CDYL: variants seen among roughly 807,000 people sequenced by gnomAD.
CDYL encodes the protein chromodomain Y-like protein.
CDYL carries 8 observed loss-of-function variants against 47.3 expected under a neutral mutation model. That is an observed-to-expected ratio of 0.17 (90% CI 0.10 to 0.31). CDYL has a LOEUF of 0.31. CDYL is among the 10% of genes least tolerant of loss of function. The pLI is 1.00. For missense variants in CDYL, 471 were observed against 701.4 expected, an observed-to-expected ratio of 0.67 and a Z score of 3.71; for synonymous variants, 266 against 265.0, an observed-to-expected ratio of 1.00 and a Z score of -0.04.
At chr6:4,799,462 A>G (rs1314139415) in intron 1 of CDYL, among the ~76,000 whole-genome samples, 1 of 150,108 alleles carries the variant, frequency 6.7e-6, no homozygotes, top group Admixed American at 6.6e-5. Context: ...TTATTTTTTT[A>G]TTTTTTAGGC....
At chr6:4,836,889 T>C (rs1220170153) in intron 1 of CDYL, among the ~76,000 whole-genome samples, 1 of 152,158 alleles carries the variant, frequency 6.6e-6, no homozygotes, top group African/African-American at 2.4e-5. Context: ...TACAGAAGTT[T>C]GATGGAACAA....
intron 2 of CDYL, among the ~76,000 whole-genome samples, chr6:4,722,546 A>G (rs1450260741): frequency 6.6e-6 from 1 of 152,176 alleles, no homozygotes; most frequent in Non-Finnish European, 1.5e-5. Flanking sequence ...TGGTTAATCT[A>G]GAACTGCTAC....
upstream of CDYL, chr6:4,774,443 A>G (rs1758385968): frequency 6.6e-6 from 1 of 152,274 alleles, no homozygotes; most frequent in Non-Finnish European, 1.5e-5. Context: ...TGGAAATGCT[A>G]AGTGAGAGGA....
chr6:4,905,203 T>A (rs1757193594), intron 2 of CDYL, among the ~76,000 whole-genome samples: 1 of 152,154 alleles, frequency 6.6e-6, no homozygotes, highest in African/African-American at 2.4e-5. Flanking sequence ...CAAGTGAGTT[T>A]GCGCATGGCT....
intron 4 of CDYL, among the ~76,000 whole-genome samples, chr6:4,939,537 A>G (rs1476577932): frequency 2.0e-5 from 3 of 152,198 alleles, no homozygotes; most frequent in African/African-American, 7.2e-5. Context: ...TACCTTTTAC[A>G]GGCTATCACA....
chr6:4,754,179 T>C (rs1758039740), intron 3 of CDYL, among the ~76,000 whole-genome samples: 1 of 152,186 alleles, frequency 6.6e-6, no homozygotes, highest in South Asian at 2.1e-4. Flanking sequence ...TAAATTTCAG[T>C]TGAATTGAGT....
chr6:4,793,855 G>A (rs1758997340), intron 1 of CDYL, among the ~76,000 whole-genome samples: 1 of 152,178 alleles, frequency 6.6e-6, no homozygotes, highest in Non-Finnish European at 1.5e-5. Flanking sequence ...TTGGGGTTGA[G>A]TAACTAGAGT....
intron 1 of CDYL, among the ~76,000 whole-genome samples, chr6:4,855,322 G>A (rs1173961620): frequency 6.6e-6 from 1 of 151,980 alleles, no homozygotes; most frequent in Non-Finnish European, 1.5e-5. Flanking sequence ...TGTCACCCAG[G>A]CTAGAGTGCA....
upstream of CDYL, chr6:4,773,039 T>C: frequency 2.3e-6 from 1 of 431,788 alleles, no homozygotes; most frequent in South Asian, 1.7e-5. The surrounding 1 kb of genome is among the most constrained non-coding windows in gnomAD (Gnocchi z 4.6). Context: ...TAGTTATCAT[T>C]CTCCCGAGAT....
chr6:4,774,499 A>C (rs1370575759), upstream of CDYL: 1 of 152,252 alleles, frequency 6.6e-6, no homozygotes, highest in Non-Finnish European at 1.5e-5. Flanking sequence ...CTGGGCCATC[A>C]GGGAAAGAGG....
At chr6:4,790,013 T>A (rs1758875582) in intron 1 of CDYL, among the ~76,000 whole-genome samples, 1 of 152,232 alleles carries the variant, frequency 6.6e-6, no homozygotes, top group Non-Finnish European at 1.5e-5. Flanking sequence ...TCTCCTGCTG[T>A]ACATCATTGA....
intron 2 of CDYL, among the ~76,000 whole-genome samples, chr6:4,901,590 C>G (rs1372787345): frequency 6.6e-6 from 1 of 152,182 alleles, no homozygotes; most frequent in Non-Finnish European, 1.5e-5. Flanking sequence ...GATCAAATCA[C>G]TAGCAGAATT....
In CDYL at chr6:4,891,802, T is replaced by G; in HGVS notation, c.114T>G (p.Thr38=). 1 of 1,614,130 alleles carries G rather than the reference T, an allele frequency of 6.2e-7. No homozygotes were observed. Among genetic ancestry groups the G allele is most frequent in the Non-Finnish European group, 8.5e-7 (1 of 1,180,030 alleles). Residue 38 remains threonine (T), a synonymous_variant, in exon 2 of 7, where the codon ACT becomes ACG. Transcript: ENST00000397588. ...RWKGYDSEDD[T]WEPEQHLVNC... Reference sequence around the variant, plus strand: ...AAGGCTATGACAGCGAGGACGACACTTGGGAGCCGGAACAGCACCTCGTGA... The same window carrying G: ...AAGGCTATGACAGCGAGGACGACACGTGGGAGCCGGAACAGCACCTCGTGA...
At position 4,776,726 on chromosome 6, in the gene CDYL, CCCGGCG is replaced by C; in HGVS notation, c.-49_-44del. On this transcript the variant is annotated 5_prime_UTR_variant, in exon 1 of 7. Coordinates refer to ENST00000397588, the MANE Select transcript of CDYL (RefSeq NM_004824.4). ...CCCAACTGAAACAAAGTGTCGGCCG[CCCGGCG>C]CCGGCGCCCGCCCCGACCCTGCCCC... 7.8e-7 allele frequency: 1 copy of C among 1,274,840 alleles called. No individual in the cohort carries two copies. The highest frequency in any genetic ancestry group is 2.9e-5 in the Admixed American group (1 of 34,874). The allele number at this position is 1,274,840 out of a possible 1,614,324, so 79.0% of individuals were successfully genotyped here.
intron 4 of CDYL, among the ~76,000 whole-genome samples, chr6:4,941,315 G>T (rs1758354652): frequency 6.6e-6 from 1 of 152,230 alleles, no homozygotes; most frequent in Admixed American, 6.5e-5. Context: ...GGTTCCTTGT[G>T]CCTTGATTTG....
In CDYL at chr6:4,785,111, T is replaced by G. The variant is rs150330021; in HGVS notation, c.24+8304T>G. ...TCCTCACTATTGTGTTAAAATTGCC[T>G]ACAGTGTTCAGTACAGTAACATCTG... On this transcript the variant is annotated intron_variant, in intron 1 of 6. Coordinates refer to ENST00000397588, the MANE Select transcript of CDYL (RefSeq NM_004824.4). Among the ~76,000 whole-genome samples the G allele has an allele frequency of 5.9e-4, 90 of 152,356 alleles. No homozygotes were observed. The East Asian group carries it at 0.01, about 17-fold the overall frequency.
chr6:4,942,522 T>C (rs1758390029), intron 4 of CDYL, among the ~76,000 whole-genome samples: 1 of 152,264 alleles, frequency 6.6e-6, no homozygotes, highest in Non-Finnish European at 1.5e-5. Flanking sequence ...AGTGAAAAGC[T>C]GTCCTTACTC....
intron 1 of CDYL, among the ~76,000 whole-genome samples, chr6:4,884,697 G>A (rs1761855181): frequency 1.3e-5 from 2 of 152,222 alleles, no homozygotes; most frequent in Admixed American, 1.3e-4. Context: ...ATAAAGATGG[G>A]ATGTGGGCAG....
At chr6:4,798,791 T>C (rs970200438) in intron 1 of CDYL, among the ~76,000 whole-genome samples, 2 of 152,240 alleles carry the variant, frequency 1.3e-5, no homozygotes, top group African/African-American at 4.8e-5. Flanking sequence ...TATTGGGGAC[T>C]AAGATTTTCT....
Sources: gnomAD v4.1 joint callset for allele counts (sites outside exome capture counted in the v4.1 genomes callset) on GRCh38, gnomAD v4.1.1 for gene constraint, Gnocchi (gnomAD v3.1) non-coding constraint, MANE v1.5 for transcripts, NCBI Gene and HGNC (gene_info 2026-07-23, HGNC 2026-07-21) for gene names.